The following FRYL variants were observed in gnomAD, a reference collection of about 807,000 sequenced individuals.
FRYL encodes the protein FRY like transcription coactivator.
A neutral mutation model predicts 351.2 loss-of-function variants in FRYL; 150 were observed. The observed-to-expected ratio is 0.43, with a 90% CI of 0.37 to 0.49. The LOEUF is 0.49. FRYL is among the 20% of genes least tolerant of loss of function. FRYL has a pLI of 0.00. For missense variants in FRYL, 3,036 were observed against 3,619.3 expected, an observed-to-expected ratio of 0.84 and a Z score of 4.13; for synonymous variants, 1,153 against 1,257.1, an observed-to-expected ratio of 0.92 and a Z score of 1.75.
At chr4:48,589,640 A>G in intron 18 of FRYL, 105 bp downstream of exon 18, 1 of 1,051,544 alleles carries the variant, frequency 9.5e-7, no homozygotes, top group East Asian at 2.4e-5. Context: ...AGATAGAAAC[A>G]TGGAAGAACT....
chr4:48,603,505 A>G, intron 11 of FRYL, 117 bp from the exon 12 acceptor site: 1 of 680,998 alleles, frequency 1.5e-6, no homozygotes, highest in South Asian at 1.8e-5. Flanking sequence ...TGAGACTCTC[A>G]CTGAAGTACT....
intron 3 of FRYL, among the ~76,000 whole-genome samples, chr4:48,675,285 T>C (rs1464698241): frequency 6.6e-6 from 1 of 152,182 alleles, no homozygotes; most frequent in Non-Finnish European, 1.5e-5. Flanking sequence ...TGGGAGCCCC[T>C]TTCTGGGCTG....
At chr4:48,779,647 C>T (rs1399752540) in intron 1 of FRYL, among the ~76,000 whole-genome samples, 1 of 152,042 alleles carries the variant, frequency 6.6e-6, no homozygotes, top group African/African-American at 2.4e-5. Flanking sequence ...CGCCTTCCTT[C>T]CCGCGGGGCG....
At chr4:48,626,643 A>C (rs2149342040) in intron 4 of FRYL, among the ~76,000 whole-genome samples, 1 of 152,214 alleles carries the variant, frequency 6.6e-6, no homozygotes, top group East Asian at 1.9e-4. Flanking sequence ...TTTTCTGTTG[A>C]GAATTTCAGG....
Position 48,628,582 on chromosome 4 carries a change from G to T in FRYL, c.121-5403C>A, listed in dbSNP as rs545210132. 3.3e-5 allele frequency among the ~76,000 whole-genome samples: 5 copies of T among 151,906 alleles called. No homozygotes were observed. In the East Asian group the frequency reaches 5.8e-4, roughly 18 times the overall value. On this transcript the variant is annotated intron_variant, in intron 4 of 63. Transcript: ENST00000358350. ...AAGAATACAAAATTACGACTAGAGT[G>T]GGGGGAATAATTTCTAGTGTTCTAT...
At chr4:48,778,449 T>C (rs1025443211) in intron 1 of FRYL, among the ~76,000 whole-genome samples, 2 of 152,146 alleles carry the variant, frequency 1.3e-5, no homozygotes, top group African/African-American at 4.8e-5. Flanking sequence ...TTTTTGATAA[T>C]GAGTAGCAGA....
Position 48,512,685 on chromosome 4 carries a change from T to C in FRYL, c.7941A>G (p.Gln2647=). ...EEADFSGLSS[Q]DEEEQDGFPE... is the part of the protein sequence containing the mutation. ...GAAAACCATCTTGCTCTTCTTCATCTTGACTATTAACACAGATATCATAAA... is the reference window on the plus strand; with the variant it reads ...GAAAACCATCTTGCTCTTCTTCATCCTGACTATTAACACAGATATCATAAA... Residue 2647 remains glutamine (Q), a synonymous_variant, in exon 57 of 64, where the codon CAA becomes CAG. Coordinates refer to ENST00000358350, the MANE Select transcript of FRYL (RefSeq NM_015030.2). 1 of 1,609,448 alleles carries C rather than the reference T, an allele frequency of 6.2e-7. No homozygotes were observed. The highest frequency in any genetic ancestry group is 8.5e-7 in the Non-Finnish European group (1 of 1,175,860).
chr4:48,550,493 T>C (rs1355355692), intron 38 of FRYL, 99 bp downstream of exon 38: 8 of 776,048 alleles, frequency 1.0e-5, no homozygotes, highest in Admixed American at 2.3e-5. Flanking sequence ...ATACGCTTTT[T>C]AAAAACAATT....
intron 1 of FRYL, among the ~76,000 whole-genome samples, chr4:48,740,289 ATTTTTT>A (rs71191255): frequency 8.2e-5 from 8 of 97,896 alleles, no homozygotes; most frequent in Admixed American, 1.1e-4. Context: ...AAACAATCTG[ATTTTTT>A]TTTTTTTTTT....
Position 48,551,519 on chromosome 4 carries a change from G to T in FRYL, c.4495C>A (p.Pro1499Thr). 6.2e-7 allele frequency: 1 copy of T among 1,609,626 alleles called. No individual in the cohort carries two copies. The highest frequency in any genetic ancestry group is 1.1e-5 in the South Asian group (1 of 90,692). The stretch of plus-strand genomic sequence containing the variant: ...CTCTCTTCAATATTCTCTTTAATGG[G>T]CTTATTATCAGGATTGCCATCTGTG... ...APTDGNPDNK[P>T]IKENIEESYV... is the part of the protein sequence containing the mutation. Residue 1499 changes from proline (P) to threonine (T), a missense_variant, in exon 37 of 64, where the codon CCC (proline) becomes ACC (threonine). Pro to Thr is a conservative substitution (Grantham distance 38). Around this residue, in one of 7 missense-constraint regions of FRYL, gnomAD observed 1,987 missense variants for 2,311.7 expected, o/e 0.86. Coordinates refer to ENST00000358350, the MANE Select transcript of FRYL (RefSeq NM_015030.2).
chr4:48,505,504 A>G, intron 60 of FRYL, 43 bp downstream of exon 60: 1 of 1,119,364 alleles, frequency 8.9e-7, no homozygotes, highest in Non-Finnish European at 1.4e-6. Flanking sequence ...GTTTTACCTG[A>G]TACAGAAAAT....
At chr4:48,723,597 CCAA>C (rs1397325935) in intron 1 of FRYL, among the ~76,000 whole-genome samples, 20 of 152,262 alleles carry the variant, frequency 1.3e-4, no homozygotes, top group East Asian at 5.8e-4. Context: ...CACATCTAAT[CCAA>C]CAACAAGTTC....
At chr4:48,566,292 C>A (rs1736768487) in intron 28 of FRYL, among the ~76,000 whole-genome samples, 1 of 152,132 alleles carries the variant, frequency 6.6e-6, no homozygotes, top group African/African-American at 2.4e-5. Context: ...AGTTTGAAAA[C>A]CACTGGTTTA....
At chr4:48,735,966 T>C (rs1227449407) in intron 1 of FRYL, among the ~76,000 whole-genome samples, 1 of 15,166 alleles carries the variant, frequency 6.6e-5, no homozygotes, top group Non-Finnish European at 1.3e-4. Context: ...AAACTTAGAG[T>C]ATAATAAAAA....
chr4:48,563,855 TAA>T, intron 31 of FRYL, 91 bp downstream of exon 31: 1 of 1,375,592 alleles, frequency 7.3e-7, no homozygotes, highest in Middle Eastern at 2.3e-4. Context: ...GAAGGACAAC[TAA>T]ACTGGTGTCT....
chr4:48,525,098 T>A (rs1190686217), intron 53 of FRYL, among the ~76,000 whole-genome samples: 1 of 147,144 alleles, frequency 6.8e-6, no homozygotes, highest in Non-Finnish European at 1.5e-5. Flanking sequence ...AGGAAGAGAA[T>A]AGAAAATATC....
intron 1 of FRYL, among the ~76,000 whole-genome samples, chr4:48,722,665 T>C (rs1207136728): frequency 6.6e-6 from 1 of 152,238 alleles, no homozygotes; most frequent in Non-Finnish European, 1.5e-5. Flanking sequence ...CAAAATAATG[T>C]TATCTTCACT....
chr4:48,667,236 A>G (rs764919011), intron 3 of FRYL, among the ~76,000 whole-genome samples: 4 of 152,190 alleles, frequency 2.6e-5, no homozygotes, highest in Non-Finnish European at 5.9e-5. Flanking sequence ...CTAGTGGACA[A>G]TCCATTCCAC....
intron 50 of FRYL, among the ~76,000 whole-genome samples, chr4:48,528,659 A>C (rs1726825775): frequency 6.6e-6 from 1 of 152,192 alleles, no homozygotes; most frequent in Non-Finnish European, 1.5e-5. Flanking sequence ...CAAAACTCAG[A>C]AAATGTAAAA....
Sources: allele counts gnomAD v4.1 joint callset (sites outside exome capture counted in the v4.1 genomes callset), GRCh38; gene constraint gnomAD v4.1.1; regional missense constraint gnomAD v4.1.1; transcripts MANE v1.5; gene names NCBI Gene and HGNC (gene_info 2026-07-23, HGNC 2026-07-21).